The following COG5 variants were observed in gnomAD, a reference collection of about 807,000 sequenced individuals.
COG5 encodes the protein component of oligomeric golgi complex 5.
A neutral mutation model predicts 110.4 loss-of-function variants in COG5; 86 were observed. That is an observed-to-expected ratio of 0.78 (90% CI 0.65 to 0.93). The LOEUF (loss-of-function observed/expected upper bound fraction) is 0.93, where lower values mean the gene tolerates loss of function less well. COG5 is among the 40% of genes least tolerant of loss of function. The probability of loss-of-function intolerance (pLI) is 0.00; values close to 1 mark genes in which losing one functional copy is unlikely to be tolerated. For synonymous variants in COG5, 360 were observed against 334.6 expected, an observed-to-expected ratio of 1.08 and a Z score of -0.83; for missense variants, 1,077 against 987.0, an observed-to-expected ratio of 1.09 and a Z score of -1.22.
chr7:107,304,798 C>A (rs1411904416), intron 11 of COG5, among the ~76,000 whole-genome samples: 1 of 152,180 alleles, frequency 6.6e-6, no homozygotes, highest in Non-Finnish European at 1.5e-5. Flanking sequence ...ACTCTGCCAA[C>A]CTTCAGATGC....
At chr7:107,231,869 G>A (rs900678332) in intron 18 of COG5, among the ~76,000 whole-genome samples, 3 of 152,140 alleles carry the variant, frequency 2.0e-5, no homozygotes, top group African/African-American at 7.2e-5. Context: ...AAAACAATAT[G>A]ATTATCAACA....
chr7:107,379,308 T>C (rs892731341), intron 7 of COG5, among the ~76,000 whole-genome samples: 4 of 152,316 alleles, frequency 2.6e-5, no homozygotes, highest in Middle Eastern at 3.4e-3. Context: ...TACCAGCTAC[T>C]GCAAAAACAT....
chr7:107,481,302 G>A (rs933967260), intron 6 of COG5, among the ~76,000 whole-genome samples: 1 of 152,024 alleles, frequency 6.6e-6, no homozygotes, highest in Admixed American at 6.6e-5. Flanking sequence ...CAAGGTTATG[G>A]GGAAACTGCT....
At chr7:107,286,411 T>C (rs1476013950) in intron 12 of COG5, among the ~76,000 whole-genome samples, 1 of 152,144 alleles carries the variant, frequency 6.6e-6, no homozygotes, top group Non-Finnish European at 1.5e-5. Flanking sequence ...TCCATAGCCA[T>C]CATTTCAAGG....
At position 107,242,040 on chromosome 7, in the gene COG5, T is replaced by C. The variant is rs112754548; in HGVS notation, c.1854-5353A>G. Reference sequence around the variant, plus strand: ...CAAGCAGTCTGCCCGCCTCAGCCTCTCAAAGTGCTGGAATTACAGGCATAA... The same window carrying C: ...CAAGCAGTCTGCCCGCCTCAGCCTCCCAAAGTGCTGGAATTACAGGCATAA... On this transcript the variant is annotated intron_variant, in intron 17 of 21. Transcript: ENST00000297135. 6.6e-5 allele frequency among the ~76,000 whole-genome samples: 10 copies of C among 152,148 alleles called. 3 individuals carry two copies. Among genetic ancestry groups the C allele is most frequent in the African/African-American group, 2.4e-4 (10 of 41,512 alleles).
At chr7:107,512,707 C>G (rs1390703601) in intron 6 of COG5, among the ~76,000 whole-genome samples, 1 of 152,126 alleles carries the variant, frequency 6.6e-6, no homozygotes, top group East Asian at 1.9e-4. Flanking sequence ...AGGTATAGAC[C>G]AATGGAACAG....
intron 7 of COG5, among the ~76,000 whole-genome samples, chr7:107,412,056 T>C (rs1792341377): frequency 6.6e-6 from 1 of 152,096 alleles, no homozygotes; most frequent in Non-Finnish European, 1.5e-5. Flanking sequence ...GGGACTAGAG[T>C]GATTAAAATT....
chr7:107,266,225 AATCT>A (rs1313470122), intron 14 of COG5, among the ~76,000 whole-genome samples: 2 of 152,188 alleles, frequency 1.3e-5, no homozygotes, highest in African/African-American at 4.8e-5. Flanking sequence ...CCAGCACATC[AATCT>A]AACTAAATTT....
intron 7 of COG5, among the ~76,000 whole-genome samples, chr7:107,383,812 G>A (rs1334820897): frequency 1.3e-5 from 2 of 151,978 alleles, no homozygotes; most frequent in Non-Finnish European, 2.9e-5. Flanking sequence ...CTTCTCATCT[G>A]TCCTCTCTTC....
At chr7:107,341,947 T>C (rs912829371) in intron 10 of COG5, among the ~76,000 whole-genome samples, 31 of 152,176 alleles carry the variant, frequency 2.0e-4, no homozygotes, top group Admixed American at 2.0e-4. Context: ...ACCTAGGATA[T>C]ACCATTCTGG....
chr7:107,512,434 G>T (rs1355105659), intron 6 of COG5, among the ~76,000 whole-genome samples: 1 of 151,394 alleles, frequency 6.6e-6, no homozygotes, highest in African/African-American at 2.4e-5. Context: ...ATGCTCATGG[G>T]TAGGAAGAAT....
At chr7:107,532,668 T>C (rs547194726) in intron 5 of COG5, among the ~76,000 whole-genome samples, 1 of 152,236 alleles carries the variant, frequency 6.6e-6, no homozygotes, top group South Asian at 2.1e-4. Context: ...ATATAAACAG[T>C]ATATAATTTC....
Position 107,210,530 on chromosome 7 carries a change from T to G in COG5, c.2371A>C (p.Ile791Leu). Residue 791 changes from isoleucine to leucine, a missense_variant, in exon 21 of 22, where the codon ATC becomes CTC. Transcript: ENST00000297135. ...CCCCAGAGCACCTGGCTTTACCTGA[T>G]GAGGAGGAGCCTGTCCTTTTCAGAT... Reference protein sequence around the residue: ...HPSEKDRLLLIRGALEAYVQS... With the variant: ...HPSEKDRLLLLRGALEAYVQS... 1.3e-6 allele frequency: 2 copies of G among 1,596,998 alleles called. No homozygotes were observed. The highest frequency in any genetic ancestry group is 2.3e-5 in the South Asian group (2 of 87,744).
chr7:107,460,778 T>A (rs564750060), intron 6 of COG5, among the ~76,000 whole-genome samples: 1 of 151,944 alleles, frequency 6.6e-6, no homozygotes, highest in Admixed American at 6.6e-5. Context: ...AGGGAAGATA[T>A]CTGCACAGAT....
Position 107,374,616 on chromosome 7 carries a change from C to T in COG5, c.670-1856G>A, listed in dbSNP as rs77455973. On this transcript the variant is annotated intron_variant, in intron 7 of 21. Transcript: ENST00000297135. ...CGCTCCAAAAATTACTAACTTCCAA[C>T]TTCTCAAAACATGTTTGAAAAGGTT... 3.8e-3 allele frequency among the ~76,000 whole-genome samples: 580 copies of T among 152,118 alleles called. 6 individuals are homozygous for T. The highest frequency in any genetic ancestry group is 0.013 in the African/African-American group (537 of 41,558).
rs555724920 is a variant in COG5 at position 107,209,840 on chromosome 7, A to C, written c.2375+686T>G. 1.5e-5 allele frequency: 15 copies of C among 985,570 alleles called. No homozygotes were observed. The South Asian group carries it at 6.1e-4, about 40-fold the overall frequency. 61.1% of individuals were successfully genotyped at this position (985,570 alleles called of 1,614,324 possible). A position where few individuals can be genotyped will look rare whatever the true frequency, so the allele number is the denominator to read the frequency against. On this transcript the variant is annotated intron_variant, in intron 21 of 21. Coordinates refer to ENST00000297135, the MANE Select transcript of COG5 (RefSeq NM_006348.5). ...AGTTTACAGAAGGAAATGGCGGTCA[A>C]CTGTAGCTAAAGCTACAGAGTGGTA... is the stretch of plus-strand genomic sequence containing the variant.
At chr7:107,487,404 G>A (rs1797714941) in intron 6 of COG5, among the ~76,000 whole-genome samples, 1 of 152,006 alleles carries the variant, frequency 6.6e-6, no homozygotes, top group East Asian at 1.9e-4. Context: ...GTCTCACTAT[G>A]TTGCCCAGGC....
At chr7:107,495,289 C>T (rs375153000) in intron 6 of COG5, among the ~76,000 whole-genome samples, 20 of 152,110 alleles carry the variant, frequency 1.3e-4, no homozygotes, top group African/African-American at 4.6e-4. Flanking sequence ...TTGGCGATAG[C>T]TAACTACACA....
intron 6 of COG5, among the ~76,000 whole-genome samples, chr7:107,454,672 A>C (rs796536582): frequency 8.5e-5 from 13 of 152,250 alleles, no homozygotes; most frequent in African/African-American, 3.1e-4. Context: ...TTCTTCCCCA[A>C]CATAAACCAT....
Sources: gnomAD v4.1 joint callset for allele counts (sites outside exome capture counted in the v4.1 genomes callset) on GRCh38, gnomAD v4.1.1 for gene constraint, MANE v1.5 for transcripts, NCBI Gene and HGNC (gene_info 2026-07-23, HGNC 2026-07-21) for gene names.